Variants in GPM6A observed in about 807,000 individuals in gnomAD.
GPM6A encodes glycoprotein M6A, also known as neuronal membrane glycoprotein M6-a.
Under a neutral mutation model 32.1 loss-of-function variants are expected in GPM6A, and 7 were observed. The ratio of observed to expected loss-of-function variants is 0.22; its 90% confidence interval spans 0.12 to 0.41. The LOEUF (loss-of-function observed/expected upper bound fraction) is 0.41, where lower values mean the gene tolerates loss of function less well. Among genes scored for constraint, GPM6A ranks in the 10% least tolerant of loss-of-function variants. GPM6A has a pLI of 1.00. For synonymous variants in GPM6A, 130 were observed against 123.4 expected, an observed-to-expected ratio of 1.05 and a Z score of -0.35; for missense variants, 235 against 347.2, an observed-to-expected ratio of 0.68 and a Z score of 2.57.
chr4:175,878,375 C>G (rs1160334415), intron 1 of GPM6A, among the ~76,000 whole-genome samples: 1 of 152,196 alleles, frequency 6.6e-6, no homozygotes, highest in Non-Finnish European at 1.5e-5. Context: ...TGCCCCACCC[C>G]TGTAGCAGAC....
At chr4:175,967,732 T>A (rs1740372091) in intron 1 of GPM6A, among the ~76,000 whole-genome samples, 1 of 152,114 alleles carries the variant, frequency 6.6e-6, no homozygotes, top group East Asian at 1.9e-4. Context: ...AAGAACTATA[T>A]GAAAAACTAC....
intron 1 of GPM6A, chr4:175,807,559 G>A (rs1368042420): frequency 3.3e-5 from 5 of 152,176 alleles, no homozygotes; most frequent in African/African-American, 1.2e-4. Context: ...TCTTTTCCCC[G>A]TTCTCAAGAA....
At chr4:175,915,118 T>C (rs1042778462) in intron 1 of GPM6A, among the ~76,000 whole-genome samples, 6 of 152,146 alleles carry the variant, frequency 3.9e-5, no homozygotes, top group African/African-American at 1.4e-4. Flanking sequence ...AGAAAGCTTA[T>C]AATGCAAGTT....
chr4:175,714,521 T>G (rs1490078666), intron 1 of GPM6A, among the ~76,000 whole-genome samples: 1 of 152,058 alleles, frequency 6.6e-6, no homozygotes, highest in Non-Finnish European at 1.5e-5. Flanking sequence ...AGTGTTGGGA[T>G]TATAGGGGAG....
chr4:175,711,232 T>C (rs1404907461), intron 1 of GPM6A, among the ~76,000 whole-genome samples: 2 of 151,528 alleles, frequency 1.3e-5, no homozygotes, highest in East Asian at 1.9e-4. Flanking sequence ...TGCTATTTAA[T>C]CTACCATACT....
intron 1 of GPM6A, among the ~76,000 whole-genome samples, chr4:175,831,197 T>C (rs963697820): frequency 2.0e-5 from 3 of 152,140 alleles, no homozygotes; most frequent in Non-Finnish European, 4.4e-5. Flanking sequence ...ACACTCTGGA[T>C]AAATTAAACT....
At chr4:175,779,135 T>G (rs1295954943) in intron 1 of GPM6A, among the ~76,000 whole-genome samples, 1 of 152,158 alleles carries the variant, frequency 6.6e-6, no homozygotes, top group African/African-American at 2.4e-5. Flanking sequence ...CTCCATGCTT[T>G]CTTTATTCTG....
At chr4:175,809,300 G>A (rs1734820757) in intron 1 of GPM6A, among the ~76,000 whole-genome samples, 2 of 152,022 alleles carry the variant, frequency 1.3e-5, no homozygotes, top group African/African-American at 2.4e-5. Context: ...TTGTGACAAT[G>A]GCTCTTGATT....
At chr4:175,666,530 A>G (rs1742763607) in intron 3 of GPM6A, among the ~76,000 whole-genome samples, 1 of 152,214 alleles carries the variant, frequency 6.6e-6, no homozygotes, top group Non-Finnish European at 1.5e-5. Flanking sequence ...TTCCCAGTAC[A>G]GTAGGCATAC....
intron 1 of GPM6A, among the ~76,000 whole-genome samples, chr4:175,881,284 CCACAGTGAGATATCATCT>C (rs1463186320): frequency 6.6e-6 from 1 of 152,152 alleles, no homozygotes; most frequent in Non-Finnish European, 1.5e-5. Context: ...CAAATCAAAA[CCACAGTGAGATATCATCT>C]CACACCAGTT....
At chr4:175,886,689 AAAAG>A (rs1412689985) in intron 1 of GPM6A, among the ~76,000 whole-genome samples, 1 of 151,564 alleles carries the variant, frequency 6.6e-6, no homozygotes, top group Non-Finnish European at 1.5e-5. Context: ...CAGAGAAAAA[AAAAG>A]AGGAAAATGG....
At chr4:175,774,959 C>A (rs79579415) in intron 1 of GPM6A, among the ~76,000 whole-genome samples, 2 of 151,962 alleles carry the variant, frequency 1.3e-5, no homozygotes, top group African/African-American at 2.4e-5. Flanking sequence ...ATAAACCAGA[C>A]GATCCCAAAA....
At position 175,652,870 on chromosome 4, in the gene GPM6A, T is replaced by C. The variant is rs529677407; in HGVS notation, c.388-883A>G. 4.4e-4 allele frequency among the ~76,000 whole-genome samples: 67 copies of C among 152,234 alleles called. No homozygotes were observed. In the Middle Eastern group the frequency reaches 0.02, roughly 46 times the overall value. On this transcript the variant is annotated intron_variant, in intron 3 of 6. Transcript: ENST00000393658. ...GCCAAAATCTACATTTCTATAGATA[T>C]TTGGTTCTTCTGAATTTCAGAAGTA...
At chr4:175,947,551 A>G (rs1739650347) in intron 1 of GPM6A, 1 of 152,168 alleles carries the variant, frequency 6.6e-6, no homozygotes, top group Non-Finnish European at 1.5e-5. Context: ...ATAAAAGCAC[A>G]TCATAAATCC....
chr4:175,684,850 TTG>T (rs59885113), intron 2 of GPM6A, among the ~76,000 whole-genome samples: 21 of 151,630 alleles, frequency 1.4e-4, no homozygotes, highest in South Asian at 1.0e-3. Context: ...TCTTAACTAT[TTG>T]TGTGTGTGTG....
chr4:175,718,394 T>A lies in GPM6A; in HGVS notation c.38-16627A>T, dbSNP rs186369409. Among the ~76,000 whole-genome samples, 382 of 152,224 alleles carry A rather than the reference T, an allele frequency of 2.5e-3. 5 individuals carry two copies. The highest frequency in any genetic ancestry group is 8.7e-3 in the African/African-American group (361 of 41,550). On this transcript the variant is annotated intron_variant, in intron 1 of 6. Transcript: ENST00000393658. ...ACTTTGGGAGGCTGAGGTGGGAGGA[T>A]CAGTTGAGGTCAGGAGTTGGAAACA...
chr4:175,734,833 A>G (rs891736404), intron 1 of GPM6A, among the ~76,000 whole-genome samples: 3 of 152,130 alleles, frequency 2.0e-5, no homozygotes, highest in South Asian at 2.1e-4. Context: ...AGATTGAGCC[A>G]TTGCACTCCA....
At chr4:175,679,538 T>A (rs1743566633) in intron 2 of GPM6A, among the ~76,000 whole-genome samples, 2 of 152,274 alleles carry the variant, frequency 1.3e-5, no homozygotes, top group South Asian at 2.1e-4. Flanking sequence ...TTCTCCCCAA[T>A]GTTAGCACCC....
intron 1 of GPM6A, among the ~76,000 whole-genome samples, chr4:175,770,519 T>C (rs1334511255): frequency 6.6e-6 from 1 of 152,198 alleles, no homozygotes; most frequent in African/African-American, 2.4e-5. Context: ...ATAACTTCCA[T>C]TTTGATCTGC....
Sources: allele counts gnomAD v4.1 joint callset (sites outside exome capture counted in the v4.1 genomes callset), GRCh38; gene constraint gnomAD v4.1.1; transcripts MANE v1.5; gene names NCBI Gene and HGNC (gene_info 2026-07-23, HGNC 2026-07-21).